KIRREL3: variants seen among roughly 807,000 people sequenced by gnomAD.
The protein encoded by KIRREL3 is kirre like nephrin family adhesion molecule 3.
Under a neutral mutation model 89.7 loss-of-function variants are expected in KIRREL3, and 36 were observed. That is an observed-to-expected ratio of 0.40 (90% CI 0.31 to 0.53). The LOEUF is 0.53. Ranked by LOEUF, KIRREL3 falls within the 20% of genes least tolerant of loss-of-function variation. The pLI, the probability that KIRREL3 is intolerant of heterozygous loss-of-function variation, is 0.49. For missense variants in KIRREL3, 864 were observed against 1,056.6 expected, an observed-to-expected ratio of 0.82 and a Z score of 2.53; for synonymous variants, 445 against 441.4, an observed-to-expected ratio of 1.01 and a Z score of -0.10.
At chr11:126,646,647 G>A (rs1191181117) in intron 1 of KIRREL3, among the ~76,000 whole-genome samples, 1 of 151,846 alleles carries the variant, frequency 6.6e-6, no homozygotes, top group Non-Finnish European at 1.5e-5. Context: ...GCTAACTTTT[G>A]TATTTTTAGT....
chr11:126,871,767 G>A (rs1025851743), intron 1 of KIRREL3, among the ~76,000 whole-genome samples: 12 of 152,168 alleles, frequency 7.9e-5, no homozygotes, highest in African/African-American at 2.7e-4. Context: ...GGTGAGGAGT[G>A]ATCAGAGGAG....
rs752148251 is a variant in KIRREL3, at chr11:126,456,369, G to A, written c.828C>T (p.Asn276=). The A allele has an allele frequency of 1.0e-5, 16 of 1,588,706 alleles. No individual in the cohort carries two copies. The Admixed American group carries it at 1.1e-4, about 11-fold the overall frequency. Residue 276 remains asparagine, a synonymous_variant, in exon 7 of 17, where the codon AAC becomes AAT. Coordinates refer to ENST00000525144, the MANE Select transcript of KIRREL3 (RefSeq NM_032531.4). ...CTCACCTGTACTGGGTGACAGCTGG[G>A]TTGGCCTTTGCAGAGCAGTGGAAAG... The part of the protein sequence containing the change: ...VVTFHCSAKA[N]PAVTQYRWAK...
At position 126,681,648 on chromosome 11, in the gene KIRREL3, G is replaced by A. The variant is rs1163599401; in HGVS notation, c.56-118736C>T. 1.3e-5 allele frequency: 4 copies of A among 319,180 alleles called. 1 individual carries two copies. The highest frequency in any genetic ancestry group is 9.0e-5 in the African/African-American group (4 of 44,474). 19.8% of individuals were successfully genotyped at this position (319,180 alleles called of 1,614,324 possible). On this transcript the variant is annotated intron_variant, in intron 1 of 16. Coordinates refer to ENST00000525144, the MANE Select transcript of KIRREL3 (RefSeq NM_032531.4). The stretch of plus-strand genomic sequence containing the variant: ...CACACCAGATCAAGCACACACTGGA[G>A]ATCAGTGCTTGAGATTTGCAAATTG...
In KIRREL3 at chr11:126,531,242, C is replaced by T. The variant is rs577527960; in HGVS notation, c.134-4555G>A. Among the ~76,000 whole-genome samples the T allele has an allele frequency of 6.6e-5, 10 of 152,116 alleles. No individual in the cohort carries two copies. The highest frequency in any genetic ancestry group is 4.1e-4 in the South Asian group (2 of 4,826). On this transcript the variant is annotated intron_variant, in intron 2 of 16. Coordinates refer to ENST00000525144, the MANE Select transcript of KIRREL3 (RefSeq NM_032531.4). This position sits in a 1 kb window ranked among gnomAD's most constrained non-coding sequence, Gnocchi z 4.7. ...CTGCTAGCACCCAAGTTCAAGCTCT[C>T]GTTGCCTCAACCTGGGCTCTTGCCA...
chr11:126,626,731 G>A (rs750494019), intron 1 of KIRREL3, among the ~76,000 whole-genome samples: 4 of 152,232 alleles, frequency 2.6e-5, no homozygotes, highest in Non-Finnish European at 4.4e-5. Context: ...GGTGGCTCAC[G>A]CCTGTAATCC....
chr11:126,808,516 C>T lies in KIRREL3; in HGVS notation c.55+191939G>A, dbSNP rs998336415. Among the ~76,000 whole-genome samples, 4 of 152,148 alleles carry T rather than the reference C, an allele frequency of 2.6e-5. No individual in the cohort carries two copies. Among genetic ancestry groups the T allele is most frequent in the African/African-American group, 9.7e-5 (4 of 41,428 alleles). ...AGTGACCTCCTGAGGCAGCAGACTC[C>T]ACAGGCTTACTGCAGGGCTATACAA... On this transcript the variant is annotated intron_variant, in intron 1 of 16. Coordinates refer to ENST00000525144, the MANE Select transcript of KIRREL3 (RefSeq NM_032531.4). The surrounding 1 kb of genome is among the most constrained non-coding windows in gnomAD (Gnocchi z 4.1).
chr11:126,468,272 C>T (rs540621218), intron 5 of KIRREL3, among the ~76,000 whole-genome samples: 2 of 152,348 alleles, frequency 1.3e-5, no homozygotes, highest in South Asian at 4.1e-4. Context: ...GTATGAGGAA[C>T]AGGGAAGGAA....
chr11:126,429,374 C>T lies in KIRREL3; in HGVS notation c.1697-86G>A. 2 of 889,934 alleles carry T rather than the reference C, an allele frequency of 2.2e-6. No individual in the cohort carries two copies. The highest frequency in any genetic ancestry group is 3.7e-6 in the Non-Finnish European group (2 of 546,822). 55.1% of individuals were successfully genotyped at this position (889,934 alleles called of 1,614,324 possible). ...CTCCCTTGCAGTCCCCTGCCCCTGC[C>T]CTGCCACCCTCTGCATTTCCCCTCC... On this transcript the variant is annotated intron_variant, in intron 14 of 16. Transcript: ENST00000525144. This position sits in a 1 kb window ranked among gnomAD's most constrained non-coding sequence, Gnocchi z 5.2.
rs1435750570 is a variant in KIRREL3, at chr11:126,427,977, T to G, written c.1806+1202A>C. 6.6e-6 allele frequency among the ~76,000 whole-genome samples: 1 copy of G among 152,186 alleles called. No individual in the cohort carries two copies. The highest frequency in any genetic ancestry group is 1.5e-5 in the Non-Finnish European group (1 of 68,040). On this transcript the variant is annotated intron_variant, in intron 15 of 16. Coordinates refer to ENST00000525144, the MANE Select transcript of KIRREL3 (RefSeq NM_032531.4). This position sits in a 1 kb window ranked among gnomAD's most constrained non-coding sequence, Gnocchi z 5.3. ...GAAAATCAATTGGAGAGAGAAAGCG[T>G]AGCCGAGGGAAAAGTCAGTTTGATT... is the stretch of plus-strand genomic sequence containing the variant.
Position 126,715,889 on chromosome 11 carries a change from G to T in KIRREL3, c.56-152977C>A, listed in dbSNP as rs1463226914. On this transcript the variant is annotated intron_variant, in intron 1 of 16. Coordinates refer to ENST00000525144, the MANE Select transcript of KIRREL3 (RefSeq NM_032531.4). The surrounding 1 kb of genome is among the most constrained non-coding windows in gnomAD (Gnocchi z 4.4). Reference sequence around the variant, plus strand: ...CTGAAGAATGCAAGAGCAATCTGCAGTGTTATTGACTAGTGGAAAAATGGC... The same window carrying T: ...CTGAAGAATGCAAGAGCAATCTGCATTGTTATTGACTAGTGGAAAAATGGC... 1.3e-5 allele frequency among the ~76,000 whole-genome samples: 2 copies of T among 152,180 alleles called. No individual in the cohort carries two copies. Among genetic ancestry groups the T allele is most frequent in the Admixed American group, 6.5e-5 (1 of 15,280 alleles).
At chr11:126,827,807 A>G (rs1943468406) in intron 1 of KIRREL3, among the ~76,000 whole-genome samples, 2 of 152,142 alleles carry the variant, frequency 1.3e-5, no homozygotes, top group African/African-American at 4.8e-5. Context: ...CAGGCAGCAG[A>G]GAGGGGCAAT....
rs748504338 is a variant in KIRREL3 at position 126,562,928 on chromosome 11, AGGTG to A, written c.56-20_56-17del. 8.1e-6 allele frequency: 13 copies of A among 1,609,962 alleles called. No individual in the cohort carries two copies. Among genetic ancestry groups the A allele is most frequent in the Non-Finnish European group, 1.1e-5 (13 of 1,176,500 alleles). On this transcript the variant is annotated splice_polypyrimidine_tract_variant and intron_variant, in intron 1 of 16. Transcript: ENST00000525144. This position sits in a 1 kb window ranked among gnomAD's most constrained non-coding sequence, Gnocchi z 4.7. ...AGGCCCAGCTCTGGAAGAGAAGCAT[AGGTG>A]GGTGAGTTGGGAATGGGAACAGGTC... is the stretch of plus-strand genomic sequence containing the variant.
chr11:126,431,534 A>G lies in KIRREL3; in HGVS notation c.1589-8T>C. The G allele has an allele frequency of 2.5e-6, 4 of 1,612,584 alleles. No homozygotes were observed. The highest frequency in any genetic ancestry group is 2.2e-5 in the East Asian group (1 of 44,860). On this transcript the variant is annotated splice_region_variant and splice_polypyrimidine_tract_variant and intron_variant, in intron 13 of 16. Coordinates refer to ENST00000525144, the MANE Select transcript of KIRREL3 (RefSeq NM_032531.4). This position sits in a 1 kb window ranked among gnomAD's most constrained non-coding sequence, Gnocchi z 7.1. ...CGGCCATCGGCACAGACTCTGTGGG[A>G]GAGAAGCGGGCACAGCTGATGACGG...
At chr11:126,461,306 A>AGGCCAG (rs1347508110) in intron 6 of KIRREL3, among the ~76,000 whole-genome samples, 2 of 152,246 alleles carry the variant, frequency 1.3e-5, no homozygotes, top group Admixed American at 6.5e-5. Context: ...CCCAGGACCC[A>AGGCCAG]GGCCAGGGCC....
intron 1 of KIRREL3, among the ~76,000 whole-genome samples, chr11:126,638,740 G>T (rs924701164): frequency 1.3e-5 from 2 of 152,148 alleles, no homozygotes; most frequent in Non-Finnish European, 2.9e-5. Flanking sequence ...CAGCTTGAGG[G>T]CTTGAAATTC....
At chr11:126,824,094 A>C (rs2156868) in intron 1 of KIRREL3, among the ~76,000 whole-genome samples, 131,452 of 152,236 alleles carry the variant, frequency 0.86, 57,107 homozygotes, top group East Asian at 1. Context: ...CCTTTTCATG[A>C]TGATCTTTGT....
chr11:126,938,417 A>T (rs1948297286), intron 1 of KIRREL3, among the ~76,000 whole-genome samples: 1 of 152,206 alleles, frequency 6.6e-6, no homozygotes, highest in Non-Finnish European at 1.5e-5. Context: ...TATTTTATGG[A>T]TGAGCACAGT....
intron 1 of KIRREL3, among the ~76,000 whole-genome samples, chr11:126,922,173 A>ATCTATCTCTCTC (rs1565421193): frequency 7.3e-6 from 1 of 136,854 alleles, no homozygotes; most frequent in African/African-American, 2.7e-5. Flanking sequence ...CTATCTATCT[A>ATCTATCTCTCTC]TCTCTATCAT....
chr11:126,670,084 C>A (rs1945867626), intron 1 of KIRREL3, among the ~76,000 whole-genome samples: 1 of 152,200 alleles, frequency 6.6e-6, no homozygotes, highest in Non-Finnish European at 1.5e-5. Context: ...AATCTGTTCA[C>A]TTCTCTGCAC....
Sources: gnomAD v4.1 joint callset for allele counts (sites outside exome capture counted in the v4.1 genomes callset) on GRCh38, gnomAD v4.1.1 for gene constraint, Gnocchi (gnomAD v3.1) non-coding constraint, MANE v1.5 for transcripts, NCBI Gene and HGNC (gene_info 2026-07-23, HGNC 2026-07-21) for gene names.